Variants in UGGT1 observed in about 807,000 individuals in gnomAD.
The protein encoded by UGGT1 is UDP-glucose glycoprotein glucosyltransferase 1.
Under a neutral mutation model 203.9 loss-of-function variants are expected in UGGT1, and 107 were observed. The ratio of observed to expected loss-of-function variants is 0.52; its 90% CI spans 0.45 to 0.62. The LOEUF (loss-of-function observed/expected upper bound fraction) is 0.62, where lower values mean the gene tolerates loss of function less well. Among genes scored for constraint, UGGT1 ranks in the 20% least tolerant of loss-of-function variants. The probability of loss-of-function intolerance (pLI) is 0.00; values close to 1 mark genes in which losing one functional copy is unlikely to be tolerated. For synonymous variants in UGGT1, 628 were observed against 653.5 expected (o/e 0.96, Z 0.59); for missense variants, 1,673 against 1,867.2 (o/e 0.90, Z 1.92).
intron 38 of UGGT1, among the ~76,000 whole-genome samples, chr2:128,184,638 C>G (rs1403323114): frequency 1.3e-5 from 2 of 152,164 alleles, no homozygotes; most frequent in African/African-American, 4.8e-5. Context: ...TCATTTTCTT[C>G]TCCTCTATCT....
chr2:128,175,459 G>A (rs1395536912), intron 31 of UGGT1, among the ~76,000 whole-genome samples: 2 of 152,204 alleles, frequency 1.3e-5, no homozygotes, highest in Non-Finnish European at 2.9e-5. Flanking sequence ...GTTTTAAACT[G>A]TGTGAAGAGG....
Position 128,133,102 on chromosome 2 carries a change from T to G in UGGT1, c.1378-39T>G, listed in dbSNP as rs766174884. ...ATTATTGCAGGTTTTACTAACTGGT[T>G]CCTAATGTGCATGTATCCTGTTGTG... On this transcript the variant is annotated intron_variant, in intron 13 of 40. Transcript: ENST00000259253. 1.9e-6 allele frequency: 3 copies of G among 1,604,960 alleles called. No homozygotes were observed. In the South Asian group the frequency reaches 3.3e-5, roughly 18 times the overall value.
rs190752233 is a variant in UGGT1 at position 128,144,796 on chromosome 2, A to G, written c.1852-1007A>G. Among the ~76,000 whole-genome samples the G allele has an allele frequency of 1.8e-3, 281 of 152,284 alleles. 1 individual carries two copies. The highest frequency in any genetic ancestry group is 5.2e-3 in the Admixed American group (79 of 15,292). On this transcript the variant is annotated intron_variant, in intron 17 of 40. Coordinates refer to ENST00000259253, the MANE Select transcript of UGGT1 (RefSeq NM_020120.4). Reference sequence around the variant, plus strand: ...ACCGATGACTCGGATTAGTTACCCAATGGGAGTTCTTTTCTACTGGTGCTA... The same window carrying G: ...ACCGATGACTCGGATTAGTTACCCAGTGGGAGTTCTTTTCTACTGGTGCTA...
intron 26 of UGGT1, 148 bp from the exon 27 acceptor site, chr2:128,170,140 G>A: frequency 1.6e-6 from 1 of 628,738 alleles, no homozygotes. Context: ...GGGATAGACA[G>A]AATCATATAG....
chr2:128,112,975 A>C, intron 5 of UGGT1, 109 bp from the exon 6 acceptor site: 1 of 1,017,090 alleles, frequency 9.8e-7, no homozygotes, highest in South Asian at 2.8e-5. Flanking sequence ...TCATATTAAG[A>C]TGCTTATAAT....
intron 17 of UGGT1, among the ~76,000 whole-genome samples, chr2:128,144,557 T>G (rs1213698955): frequency 6.6e-6 from 1 of 152,248 alleles, no homozygotes; most frequent in African/African-American, 2.4e-5. Flanking sequence ...AATTGAGTTT[T>G]AATGGATATC....
At chr2:128,128,882 C>T (rs1688742581) in intron 12 of UGGT1, 147 bp from the exon 13 acceptor site, 3 of 709,856 alleles carry the variant, frequency 4.2e-6, no homozygotes, top group Non-Finnish European at 4.4e-6. Flanking sequence ...TTATTTTATC[C>T]TCAATTTGTG....
rs185142749 is a variant in UGGT1, at chr2:128,161,041, G to T, written c.2695-97G>T. On this transcript the variant is annotated intron_variant, in intron 24 of 40. Coordinates refer to ENST00000259253, the MANE Select transcript of UGGT1 (RefSeq NM_020120.4). Reference sequence around the variant, plus strand: ...TCTCAGGTCTTTAAGATGTTCTGGCGTATGAGGTAGCCTGAGGACGCCAGA... The same window carrying T: ...TCTCAGGTCTTTAAGATGTTCTGGCTTATGAGGTAGCCTGAGGACGCCAGA... The T allele has an allele frequency of 3.5e-6, 5 of 1,430,386 alleles. No homozygotes were observed. In the African/African-American group the frequency reaches 5.7e-5, roughly 16 times the overall value. The allele number at this position is 1,430,386 out of a possible 1,614,324, so 88.6% of individuals were successfully genotyped here.
Position 128,121,222 on chromosome 2 carries a change from C to G in UGGT1, c.997C>G (p.Arg333Gly), listed in dbSNP as rs1429648486. Residue 333 changes from arginine to glycine, a missense_variant, in exon 10 of 41, where the codon CGA becomes GGA. Arg to Gly is a moderately radical substitution (Grantham distance 125). This residue lies in a region of UGGT1 where 1,073 missense variants were observed against 1,078.7 expected (regional missense o/e 0.99). Transcript: ENST00000259253. ...LQDLSFQTAARILASPVELAL... is the reference protein window; with the variant it reads ...LQDLSFQTAAGILASPVELAL... ...AGATCTCAGTTTCCAGACTGCTGCT[C>G]GAATCTTGGCTTCTCCTGTTGAGTT... 6 of 1,613,816 alleles carry G rather than the reference C, an allele frequency of 3.7e-6. No individual in the cohort carries two copies. The highest frequency in any genetic ancestry group is 3.3e-4 in the Middle Eastern group (2 of 6,058).
rs1244810726 is a variant in UGGT1 at position 128,172,673 on chromosome 2, C to G, written c.3205C>G (p.Leu1069Val). The change falls in exon 29 of 41, where the codon CTG becomes GTG. Residue 1069 changes from leucine (L) to valine (V), a missense_variant. Physicochemically the swap from Leu to Val is conservative, Grantham distance 32. Transcript: ENST00000259253. ...AKFLDMPQSP[L>V]FTLNLNTPES... is the part of the protein sequence containing the mutation. ...ATTTTTGGATATGCCTCAGTCTCCACTGTTCACTCTGAATTTGAACACACC... is the reference window on the plus strand; with the variant it reads ...ATTTTTGGATATGCCTCAGTCTCCAGTGTTCACTCTGAATTTGAACACACC... 6.2e-6 allele frequency: 10 copies of G among 1,614,128 alleles called. No individual in the cohort carries two copies. Among genetic ancestry groups the G allele is most frequent in the African/African-American group, 5.3e-5 (4 of 75,046 alleles).
At chr2:128,171,060 G>A in intron 27 of UGGT1, 145 bp from the exon 28 acceptor site, 1 of 710,774 alleles carries the variant, frequency 1.4e-6, no homozygotes, top group Non-Finnish European at 2.3e-6. Flanking sequence ...GTGCAGTAGA[G>A]TTGTGATTTC....
At chr2:128,121,335 C>A in intron 10 of UGGT1, 37 bp downstream of exon 10, 1 of 1,446,030 alleles carries the variant, frequency 6.9e-7, no homozygotes, top group Non-Finnish European at 9.5e-7. Flanking sequence ...TAACATCATA[C>A]CCAGTCATCG....
chr2:128,145,794 G>T lies in UGGT1; in HGVS notation c.1852-9G>T. On this transcript the variant is annotated splice_polypyrimidine_tract_variant and intron_variant, in intron 17 of 40. Coordinates refer to ENST00000259253, the MANE Select transcript of UGGT1 (RefSeq NM_020120.4). Reference sequence around the variant, plus strand: ...AAATATACTGTTTTTGTGGTTACTTGTGTTTCAGGAAGCAAGAGGCTACTA... The same window carrying T: ...AAATATACTGTTTTTGTGGTTACTTTTGTTTCAGGAAGCAAGAGGCTACTA... 5 of 1,553,826 alleles carry T rather than the reference G, an allele frequency of 3.2e-6. No individual in the cohort carries two copies. Among genetic ancestry groups the T allele is most frequent in the Non-Finnish European group, 4.4e-6 (5 of 1,148,012 alleles).
intron 40 of UGGT1, among the ~76,000 whole-genome samples, chr2:128,188,234 A>G (rs968722748): frequency 5.3e-5 from 8 of 151,908 alleles, no homozygotes; most frequent in African/African-American, 1.9e-4. Context: ...TAGTAGAGAC[A>G]GGGTTTCACC....
At chr2:128,150,193 C>A (rs986539800) in intron 18 of UGGT1, among the ~76,000 whole-genome samples, 1 of 152,092 alleles carries the variant, frequency 6.6e-6, no homozygotes, top group African/African-American at 2.4e-5. Flanking sequence ...TACAACACTT[C>A]GAGAGGCTGA....
intron 31 of UGGT1, among the ~76,000 whole-genome samples, chr2:128,175,528 A>G (rs1691326229): frequency 6.6e-6 from 1 of 152,208 alleles, no homozygotes. Context: ...AGCACTCTGT[A>G]GTATGTCCTT....
chr2:128,097,142 T>C (rs539513865), intron 1 of UGGT1, among the ~76,000 whole-genome samples: 1 of 152,290 alleles, frequency 6.6e-6, no homozygotes, highest in East Asian at 1.9e-4. Context: ...TTTGGGAGGC[T>C]GAGGCGGGCA....
At chr2:128,098,204 G>C (rs1164941381) in intron 2 of UGGT1, among the ~76,000 whole-genome samples, 1 of 152,190 alleles carries the variant, frequency 6.6e-6, no homozygotes, top group Non-Finnish European at 1.5e-5. Flanking sequence ...GAAGTTTTAA[G>C]AGGTGATTGA....
intron 3 of UGGT1, 68 bp downstream of exon 3, chr2:128,104,082 T>A (rs1687499630): frequency 7.9e-7 from 1 of 1,262,386 alleles, no homozygotes; most frequent in African/African-American, 1.5e-5. Flanking sequence ...ATTGTCTCTT[T>A]ATAGTATGTG....
Sources: allele counts gnomAD v4.1 joint callset (sites outside exome capture counted in the v4.1 genomes callset), GRCh38; gene constraint gnomAD v4.1.1; regional missense constraint gnomAD v4.1.1; transcripts MANE v1.5; gene names NCBI Gene and HGNC (gene_info 2026-07-23, HGNC 2026-07-21).